FRMD4B: variants seen among roughly 807,000 people sequenced by gnomAD.
The protein encoded by FRMD4B is FERM domain-containing protein 4B.
In FRMD4B, 74 loss-of-function variants were observed where a neutral mutation model predicts 141.5. The ratio of observed to expected loss-of-function variants is 0.52; its 90% confidence interval spans 0.43 to 0.63. FRMD4B has a LOEUF of 0.63. Among genes scored for constraint, FRMD4B ranks in the 30% least tolerant of loss-of-function variants. The pLI is 0.00. For missense variants in FRMD4B, 1,366 were observed against 1,253.4 expected (o/e 1.09, Z -1.36); for synonymous variants, 506 against 467.9 (o/e 1.08, Z -1.05).
chr3:69,474,796 C>T (rs1655089407), intron 1 of FRMD4B, among the ~76,000 whole-genome samples: 2 of 152,104 alleles, frequency 1.3e-5, no homozygotes, highest in South Asian at 4.1e-4. Flanking sequence ...AGGGTTCCTG[C>T]CTTCATAGAG....
chr3:69,536,812 T>A, intron 1 of FRMD4B: 1 of 399,954 alleles, frequency 2.5e-6, no homozygotes, highest in Non-Finnish European at 4.6e-6. Flanking sequence ...AATGGCACTA[T>A]CACGGCTCAC....
intron 11 of FRMD4B, among the ~76,000 whole-genome samples, chr3:69,202,947 A>T (rs1349469467): frequency 1.3e-5 from 2 of 152,180 alleles, no homozygotes; most frequent in African/African-American, 2.4e-5. Flanking sequence ...TTAAGGTTAC[A>T]AACCTTATCT....
At chr3:69,529,869 T>C (rs141949532) in intron 1 of FRMD4B, among the ~76,000 whole-genome samples, 4 of 152,342 alleles carry the variant, frequency 2.6e-5, no homozygotes, top group African/African-American at 9.6e-5. Flanking sequence ...GTTGAAGTAG[T>C]AGTGGAATTA....
intron 13 of FRMD4B, 134 bp downstream of exon 13, chr3:69,196,766 T>C (rs1195734273): frequency 1.5e-6 from 1 of 652,230 alleles, no homozygotes; most frequent in Admixed American, 3.3e-5. Context: ...AAACCTGAAA[T>C]AGTTGGAAGT....
intron 1 of FRMD4B, among the ~76,000 whole-genome samples, chr3:69,513,104 GAA>G (rs1448898029): frequency 6.6e-6 from 1 of 151,530 alleles, no homozygotes; most frequent in East Asian, 1.9e-4. Flanking sequence ...AAAATTTATA[GAA>G]AAAGAGTCAA....
chr3:69,285,428 A>G (rs972722222), intron 5 of FRMD4B, among the ~76,000 whole-genome samples: 1 of 151,978 alleles, frequency 6.6e-6, no homozygotes, highest in African/African-American at 2.4e-5. Context: ...TGAAGAAATA[A>G]CGGCTAAAAT....
intron 1 of FRMD4B, among the ~76,000 whole-genome samples, chr3:69,333,158 C>A (rs747927824): frequency 2.2e-4 from 34 of 151,872 alleles, no homozygotes; most frequent in Non-Finnish European, 3.4e-4. Flanking sequence ...GTCCCTGAAG[C>A]CTTTTATTAG....
At chr3:69,291,000 C>G (rs1352618080) in intron 4 of FRMD4B, among the ~76,000 whole-genome samples, 1 of 152,152 alleles carries the variant, frequency 6.6e-6, no homozygotes, top group Non-Finnish European at 1.5e-5. Context: ...ACGTTTTCAC[C>G]AAAATGTTAA....
At chr3:69,222,836 T>G (rs2107751482) in intron 8 of FRMD4B, among the ~76,000 whole-genome samples, 1 of 152,320 alleles carries the variant, frequency 6.6e-6, no homozygotes, top group Middle Eastern at 3.4e-3. Flanking sequence ...GGAAATGATC[T>G]TTTGCCATAA....
chr3:69,489,737 A>C (rs1026843841), intron 1 of FRMD4B, among the ~76,000 whole-genome samples: 7 of 152,218 alleles, frequency 4.6e-5, no homozygotes, highest in Non-Finnish European at 8.8e-5. Context: ...CTAGGTATCC[A>C]CTGGAGAGAA....
At chr3:69,414,607 G>A (rs974204659) in intron 2 of FRMD4B, among the ~76,000 whole-genome samples, 1 of 152,168 alleles carries the variant, frequency 6.6e-6, no homozygotes, top group Non-Finnish European at 1.5e-5. Context: ...ATCAATAGAT[G>A]CTGTTTATTG....
At chr3:69,339,512 G>A (rs1238883258) in intron 1 of FRMD4B, among the ~76,000 whole-genome samples, 1 of 152,190 alleles carries the variant, frequency 6.6e-6, no homozygotes, top group Admixed American at 6.5e-5. Flanking sequence ...ACCCAGCACA[G>A]TGCGTGGCAC....
chr3:69,299,661 T>G (rs1358791176), intron 4 of FRMD4B, among the ~76,000 whole-genome samples: 1 of 152,274 alleles, frequency 6.6e-6, no homozygotes, highest in Non-Finnish European at 1.5e-5. Context: ...ATTCATTGTT[T>G]ACTATAAAAG....
chr3:69,540,361 T>C lies in FRMD4B; in HGVS notation c.-129+1845A>G, dbSNP rs141979664. Among the ~76,000 whole-genome samples the C allele has an allele frequency of 2.2e-3, 329 of 151,826 alleles. 7 individuals are homozygous for C. In the South Asian group the frequency reaches 0.054, roughly 25 times the overall value. On this transcript the variant is annotated intron_variant, in intron 1 of 5. Coordinates refer to the FRMD4B transcript ENST00000459638. The stretch of plus-strand genomic sequence containing the variant: ...CGGGTGCCGCGGCTCACCCCTGTAA[T>C]CCCAGCACTTTGGGAGGCCGAGGCG...
At chr3:69,425,348 C>T (rs1705058185) in intron 2 of FRMD4B, among the ~76,000 whole-genome samples, 1 of 152,198 alleles carries the variant, frequency 6.6e-6, no homozygotes, top group Non-Finnish European at 1.5e-5. Flanking sequence ...GTGGAACTTG[C>T]TGCTCATTAG....
At chr3:69,397,455 T>G (rs1704492015) in intron 2 of FRMD4B, among the ~76,000 whole-genome samples, 1 of 152,136 alleles carries the variant, frequency 6.6e-6, no homozygotes, top group African/African-American at 2.4e-5. Flanking sequence ...ATTGTACACT[T>G]TAAAAGAGTG....
At chr3:69,196,783 CAA>C in intron 13 of FRMD4B, 115 bp downstream of exon 13, 1 of 750,744 alleles carries the variant, frequency 1.3e-6, no homozygotes, top group Non-Finnish European at 2.1e-6. Flanking sequence ...AAGTTAAACG[CAA>C]AAAAATCTCA....
chr3:69,469,420 C>G (rs939256996), intron 1 of FRMD4B, among the ~76,000 whole-genome samples: 1 of 152,144 alleles, frequency 6.6e-6, no homozygotes, highest in Non-Finnish European at 1.5e-5. Flanking sequence ...AACGTATTTA[C>G]TTAGATATAG....
At chr3:69,198,463 T>G in intron 12 of FRMD4B, 1 of 471,396 alleles carries the variant, frequency 2.1e-6, no homozygotes, top group Non-Finnish European at 3.8e-6. Flanking sequence ...GTGTCGGCAT[T>G]GGAACCACAT....
Sources: gnomAD v4.1 joint callset for allele counts (sites outside exome capture counted in the v4.1 genomes callset) on GRCh38, gnomAD v4.1.1 for gene constraint, MANE v1.5 for transcripts, NCBI Gene and HGNC (gene_info 2026-07-23, HGNC 2026-07-21) for gene names.